Variants in SYTL3 observed in about 807,000 individuals in gnomAD.
The protein encoded by SYTL3 is synaptotagmin like 3.
SYTL3 carries 88 observed loss-of-function variants against 82.1 expected under a neutral mutation model. The ratio of observed to expected loss-of-function variants is 1.07; its 90% CI spans 0.90 to 1.28. The LOEUF (loss-of-function observed/expected upper bound fraction) is 1.28, where lower values mean the gene tolerates loss of function less well. Ranked by LOEUF, SYTL3 falls within the 50% of genes most tolerant of loss-of-function variation. The probability of loss-of-function intolerance (pLI) is 0.00; values close to 1 mark genes in which losing one functional copy is unlikely to be tolerated. For missense variants in SYTL3, 831 were observed against 757.6 expected (o/e 1.10, Z -1.14); for synonymous variants, 311 against 289.4 (o/e 1.07, Z -0.76).
At position 158,666,672 on chromosome 6, in the gene SYTL3, A is replaced by G. The variant is rs138092512; in HGVS notation, c.329+1059A>G. On this transcript the variant is annotated intron_variant, in intron 5 of 17. Transcript: ENST00000611299. ...CAGATGTGTGAGTGCCCCAGGGACA[A>G]AGACTGTGGGAGGCACTTACACAGT... Among the ~76,000 whole-genome samples, 565 of 152,348 alleles carry G rather than the reference A, an allele frequency of 3.7e-3. 5 individuals carry two copies. The highest frequency in any genetic ancestry group is 0.013 in the African/African-American group (527 of 41,588).
upstream of SYTL3, among the ~76,000 whole-genome samples, chr6:158,647,175 C>T (rs1353821788): frequency 2.6e-5 from 4 of 152,228 alleles, no homozygotes; most frequent in Non-Finnish European, 5.9e-5. Flanking sequence ...CTTGTTATAA[C>T]TGCGGATCAC....
intron 5 of SYTL3, among the ~76,000 whole-genome samples, chr6:158,681,775 T>G (rs907541987): frequency 6.6e-6 from 1 of 152,236 alleles, no homozygotes; most frequent in Non-Finnish European, 1.5e-5. Flanking sequence ...AAGAATCTTC[T>G]CAGGTAACCC....
At chr6:158,675,380 C>T (rs181319356) in intron 5 of SYTL3, among the ~76,000 whole-genome samples, 6 of 152,292 alleles carry the variant, frequency 3.9e-5, no homozygotes, top group Admixed American at 3.9e-4. Context: ...GATTCTCTGA[C>T]TCCTTTGATA....
At chr6:158,683,215 C>CTTTTT (rs35183958) in intron 6 of SYTL3, among the ~76,000 whole-genome samples, 13 of 92,134 alleles carry the variant, frequency 1.4e-4, no homozygotes, top group Non-Finnish European at 1.8e-4. Context: ...GGCCCTATTC[C>CTTTTT]TTTTTTTTTT....
chr6:158,710,284 T>C (rs1457440257), intron 8 of SYTL3, among the ~76,000 whole-genome samples: 1 of 152,192 alleles, frequency 6.6e-6, no homozygotes, highest in Non-Finnish European at 1.5e-5. Context: ...TGAAATATTG[T>C]CATGAACAGC....
chr6:158,689,123 A>G (rs1331963160), intron 6 of SYTL3, among the ~76,000 whole-genome samples: 3 of 152,192 alleles, frequency 2.0e-5, no homozygotes, highest in South Asian at 4.1e-4. Flanking sequence ...GCATTTTTGA[A>G]AGTTTATAAG....
chr6:158,689,903 C>T (rs1219582265), intron 6 of SYTL3, among the ~76,000 whole-genome samples: 1 of 152,230 alleles, frequency 6.6e-6, no homozygotes, highest in African/African-American at 2.4e-5. Flanking sequence ...ATTCGCCTGC[C>T]TTGGCCTCCC....
At chr6:158,653,483 G>A (rs1471529081) in intron 2 of SYTL3, among the ~76,000 whole-genome samples, 1 of 151,782 alleles carries the variant, frequency 6.6e-6, no homozygotes, top group Non-Finnish European at 1.5e-5. Context: ...TCCCGCCTGG[G>A]CAACAAGAGC....
intron 5 of SYTL3, among the ~76,000 whole-genome samples, chr6:158,682,355 C>G (rs1239213041): frequency 9.4e-6 from 1 of 106,834 alleles, no homozygotes; most frequent in Non-Finnish European, 1.8e-5. Context: ...TTAACATTCA[C>G]TTTTTTTTTT....
chr6:158,760,611 T>C (rs1789780402), intron 14 of SYTL3, 29 bp from the exon 15 acceptor site: 1 of 1,591,316 alleles, frequency 6.3e-7, no homozygotes, highest in Middle Eastern at 1.7e-4. Context: ...TGGGGAATCC[T>C]GTCCCTAAGC....
chr6:158,654,037 T>G (rs1326408024), intron 2 of SYTL3, among the ~76,000 whole-genome samples: 2 of 152,190 alleles, frequency 1.3e-5, no homozygotes, highest in Non-Finnish European at 2.9e-5. Context: ...GAAGCCAAAG[T>G]CAAGATTTGC....
chr6:158,726,909 G>A (rs1784796295), intron 11 of SYTL3: 1 of 151,158 alleles, frequency 6.6e-6, no homozygotes, highest in South Asian at 2.1e-4. Context: ...GAGTGCAGTG[G>A]CGCGATCTTG....
At chr6:158,745,961 G>A (rs1169230368) in intron 12 of SYTL3, among the ~76,000 whole-genome samples, 1 of 152,116 alleles carries the variant, frequency 6.6e-6, no homozygotes, top group Non-Finnish European at 1.5e-5. Context: ...AGACCAGGTG[G>A]CTTATAAACA....
intron 6 of SYTL3, among the ~76,000 whole-genome samples, chr6:158,684,030 G>A (rs1358092189): frequency 6.6e-6 from 1 of 152,232 alleles, no homozygotes; most frequent in African/African-American, 2.4e-5. Context: ...ACAAAGGAGA[G>A]AAGGGTGAAT....
In SYTL3 at chr6:158,660,934, A is replaced by G. The variant is rs146898412; in HGVS notation, c.-636-335A>G. Among the ~76,000 whole-genome samples, 281 of 152,304 alleles carry G rather than the reference A, an allele frequency of 1.8e-3. 1 individual carries two copies. The highest frequency in any genetic ancestry group is 3.6e-3 in the Admixed American group (55 of 15,298). ...GCTAGGCATGGTAGCCCGCACCTGT[A>G]GTCCCAGCTACTCGGGAGGCGGAGG... On this transcript the variant is annotated intron_variant, in intron 2 of 17. Transcript: ENST00000611299.
chr6:158,693,530 G>T (rs1780149006), intron 6 of SYTL3, among the ~76,000 whole-genome samples: 1 of 152,122 alleles, frequency 6.6e-6, no homozygotes, highest in Non-Finnish European at 1.5e-5. Flanking sequence ...GATTACAGGT[G>T]CATGCCACTA....
intron 12 of SYTL3, among the ~76,000 whole-genome samples, chr6:158,750,196 A>T (rs1583474217): frequency 6.6e-6 from 1 of 152,232 alleles, no homozygotes; most frequent in East Asian, 1.9e-4. Context: ...AACAGGGAAA[A>T]CTAAGCAGTA....
chr6:158,703,422 G>A (rs928552623), intron 6 of SYTL3, among the ~76,000 whole-genome samples: 1 of 152,296 alleles, frequency 6.6e-6, no homozygotes. Context: ...CCTCTCGAGG[G>A]ATGCCTGTCT....
At chr6:158,674,819 G>T (rs898899170) in intron 5 of SYTL3, among the ~76,000 whole-genome samples, 2 of 152,078 alleles carry the variant, frequency 1.3e-5, no homozygotes, top group African/African-American at 4.8e-5. Flanking sequence ...TCTGACCTGC[G>T]CAGTGTTTAA....
Sources: gnomAD v4.1 joint callset for allele counts (sites outside exome capture counted in the v4.1 genomes callset) on GRCh38, gnomAD v4.1.1 for gene constraint, MANE v1.5 for transcripts, NCBI Gene and HGNC (gene_info 2026-07-23, HGNC 2026-07-21) for gene names.